Variants in NXF1 observed in about 807,000 individuals in gnomAD.
NXF1 encodes mRNA export factor TAP.
Under a neutral mutation model 92.4 loss-of-function variants are expected in NXF1, and 43 were observed. The observed-to-expected ratio is 0.47, with a 90% confidence interval of 0.36 to 0.60. NXF1 has a LOEUF of 0.60. Among genes scored for constraint, NXF1 ranks in the 20% least tolerant of loss-of-function variants. The pLI, the probability that NXF1 is intolerant of heterozygous loss-of-function variation, is 0.00. For synonymous variants in NXF1, 288 were observed against 292.2 expected (o/e 0.99, Z 0.15); for missense variants, 576 against 793.0 (o/e 0.73, Z 3.29).
In NXF1 at chr11:62,794,945, T is replaced by C. The variant is rs568755149; in HGVS notation, c.1567A>G (p.Ser523Gly). 1.9e-6 allele frequency: 3 copies of C among 1,614,178 alleles called. No individual in the cohort carries two copies. The highest frequency in any genetic ancestry group is 2.2e-5 in the East Asian group (1 of 44,888). The part of the protein sequence containing the change: ...FTRTFIAVPA[S>G]NSGLCIVNDE... ...AAGCAGAATACTTACCCTGAATTGCTAGCAGGAACAGCAATGAATGTCCGG... is the reference window on the plus strand; with the variant it reads ...AAGCAGAATACTTACCCTGAATTGCCAGCAGGAACAGCAATGAATGTCCGG... Residue 523 changes from serine to glycine, a missense_variant, in exon 18 of 21, where the codon AGC (serine) becomes GGC (glycine). Coordinates refer to ENST00000294172, the MANE Select transcript of NXF1 (RefSeq NM_006362.5).
chr11:62,802,323 C>G, intron 3 of NXF1, 63 bp from the exon 4 acceptor site: 8 of 1,382,852 alleles, frequency 5.8e-6, no homozygotes, highest in Non-Finnish European at 7.1e-6. Flanking sequence ...AGACCCAATA[C>G]AATGCCTTTT....
chr11:62,792,719 G>C lies in NXF1; in HGVS notation c.1761-18C>G, dbSNP rs370306415. The C allele has an allele frequency of 6.2e-7, 1 of 1,613,774 alleles. No homozygotes were observed. The highest frequency in any genetic ancestry group is 1.3e-5 in the African/African-American group (1 of 74,922). ...GAAGGCACCTGGAGTGGAAGAACAG[G>C]CAGCTCTGTAAGAACTCTGACTCGT... On this transcript the variant is annotated intron_variant, in intron 19 of 20. Transcript: ENST00000294172.
In NXF1 at chr11:62,805,404, G is replaced by C; in HGVS notation, c.-48C>G. On this transcript the variant is annotated 5_prime_UTR_variant, in exon 1 of 21. Transcript: ENST00000294172. ...GGCTCAGGCGCTGGCCGCTACGCCG[G>C]CAAACAACCTAACTCCCAAGCGCTC... 1.2e-6 allele frequency: 2 copies of C among 1,606,730 alleles called. No individual in the cohort carries two copies. The highest frequency in any genetic ancestry group is 1.1e-5 in the South Asian group (1 of 89,498).
At chr11:62,799,737 C>G in intron 10 of NXF1, 1 of 986,102 alleles carries the variant, frequency 1.0e-6, no homozygotes, top group Non-Finnish European at 1.2e-6. Context: ...GCTGGCGGGG[C>G]CCCAGCTCTG....
Position 62,805,416 on chromosome 11 carries a change from A to T in NXF1, c.-60T>A, listed in dbSNP as rs375138728. ...GGCCGCTACGCCGGCAAACAACCTA[A>T]CTCCCAAGCGCTCAGGACCGAAGTG... On this transcript the variant is annotated 5_prime_UTR_variant, in exon 1 of 21. Coordinates refer to ENST00000294172, the MANE Select transcript of NXF1 (RefSeq NM_006362.5). The T allele has an allele frequency of 1.9e-6, 3 of 1,604,142 alleles. No homozygotes were observed. The highest frequency in any genetic ancestry group is 1.4e-5 in the African/African-American group (1 of 74,072).
In NXF1 at chr11:62,803,555, C is replaced by T. The variant is rs772680652; in HGVS notation, c.233G>A (p.Arg78Gln). 4 of 1,613,982 alleles carry T rather than the reference C, an allele frequency of 2.5e-6. No homozygotes were observed. Among genetic ancestry groups the T allele is most frequent in the Non-Finnish European group, 3.4e-6 (4 of 1,180,026 alleles). ...CCAAGTATCACCCCGACGGTTAGGTCGGGTGGTATAGGGGTTGCTGTGGGT... is the reference window on the plus strand; with the variant it reads ...CCAAGTATCACCCCGACGGTTAGGTTGGGTGGTATAGGGGTTGCTGTGGGT... ...PRVRYNPYTT[R>Q]PNRRGDTWHD... The change falls in exon 3 of 21, where the codon CGA becomes CAA. Residue 78 changes from arginine to glutamine, a missense_variant. By Grantham distance (43) the Arg-to-Gln change is conservative. Around this residue, in one of 2 missense-constraint regions of NXF1, gnomAD observed 151 missense variants for 157.8 expected, o/e 0.96. Coordinates refer to ENST00000294172, the MANE Select transcript of NXF1 (RefSeq NM_006362.5).
At chr11:62,802,581 G>A (rs1335835345) in intron 3 of NXF1, among the ~76,000 whole-genome samples, 1 of 152,072 alleles carries the variant, frequency 6.6e-6, no homozygotes, top group African/African-American at 2.4e-5. Flanking sequence ...AGGACTACAG[G>A]CATGTACTAC....
At chr11:62,799,732 C>T (rs1241640067) in intron 10 of NXF1, 1 of 986,076 alleles carries the variant, frequency 1.0e-6, no homozygotes, top group Non-Finnish European at 1.2e-6. Flanking sequence ...CGCCTGCTGG[C>T]GGGGCCCCAG....
chr11:62,792,567 C>G, intron 20 of NXF1, 53 bp from the exon 21 acceptor site: 2 of 1,610,568 alleles, frequency 1.2e-6, no homozygotes. Flanking sequence ...CACTCAGCAA[C>G]CCCACTCAGC....
At chr11:62,797,540 CA>C (rs919084154) in intron 11 of NXF1, among the ~76,000 whole-genome samples, 154 bp from the exon 12 acceptor site, 38 of 151,196 alleles carry the variant, frequency 2.5e-4, no homozygotes, top group Non-Finnish European at 4.4e-4. Context: ...CCATCTCTAC[CA>C]AAAAAAATAC....
At chr11:62,797,158 G>T in intron 13 of NXF1, 25 bp downstream of exon 13, 1 of 1,608,388 alleles carries the variant, frequency 6.2e-7, no homozygotes. Context: ...CTCGGGGTGG[G>T]GAGGGGGGAC....
In NXF1 at chr11:62,797,245, T is replaced by G. The variant is rs765517125; in HGVS notation, c.1123-7A>C. ...CTGTTCCAAAATAGCTTCCCTGAAA[T>G]CAAACAGGTATTAGGAACATGGAAG... On this transcript the variant is annotated splice_polypyrimidine_tract_variant and splice_region_variant and intron_variant, in intron 12 of 20. Coordinates refer to ENST00000294172, the MANE Select transcript of NXF1 (RefSeq NM_006362.5). 1.9e-5 allele frequency: 30 copies of G among 1,613,934 alleles called. No individual in the cohort carries two copies. Among genetic ancestry groups the G allele is most frequent in the Non-Finnish European group, 2.5e-5 (30 of 1,180,012 alleles).
intron 10 of NXF1, chr11:62,799,490 C>A: frequency 1.0e-6 from 1 of 985,802 alleles, no homozygotes; most frequent in South Asian, 4.7e-5. Context: ...ACCTCTGTTG[C>A]CCCCAAGTTC....
At chr11:62,799,950 A>C in intron 10 of NXF1, 1 of 996,598 alleles carries the variant, frequency 1.0e-6, no homozygotes, top group Non-Finnish European at 1.2e-6. Flanking sequence ...AAAGGAGGGA[A>C]GGCCCATCTC....
Position 62,794,914 on chromosome 11 carries a change from T to A in NXF1, c.1577+21A>T, listed in dbSNP as rs566797529. The A allele has an allele frequency of 1.9e-6, 3 of 1,611,602 alleles. No individual in the cohort carries two copies. The South Asian group carries it at 3.3e-5, about 18-fold the overall frequency. On this transcript the variant is annotated intron_variant, in intron 18 of 20. Coordinates refer to ENST00000294172, the MANE Select transcript of NXF1 (RefSeq NM_006362.5). ...GCCATGGATTAGGACTGGTATCCAA[T>A]GCGAAAAGCAGAATACTTACCCTGA...
In NXF1 at chr11:62,796,519, G is replaced by C; in HGVS notation, c.1227C>G (p.Ala409=). 6.2e-7 allele frequency: 1 copy of C among 1,614,164 alleles called. No homozygotes were observed. Among genetic ancestry groups the C allele is most frequent in the Non-Finnish European group, 8.5e-7 (1 of 1,180,000 alleles). ...GGGAACAGCAGGCCCCATCATGGTA[G>C]GCATCCAGGAGCCCTTGTCGGTCTC... ...DSGDRQGLLD[A]YHDGACCSLS... is the part of the protein sequence containing the mutation. Residue 409 remains alanine, a synonymous_variant, in exon 14 of 21, where the codon GCC becomes GCG. Transcript: ENST00000294172.
chr11:62,801,702 G>C (rs2084480647), intron 6 of NXF1, 37 bp downstream of exon 6: 4 of 1,609,772 alleles, frequency 2.5e-6, no homozygotes, highest in Non-Finnish European at 3.4e-6. Context: ...GAAGTAGTAA[G>C]ACTGGGTTGG....
chr11:62,802,277 GA>G lies in NXF1; in HGVS notation c.370-18del. ...ATAAGGAATCTAGAAATGAGAGAAA[GA>G]GAAAAGAAGGGAATGATAAGTAAGG... On this transcript the variant is annotated intron_variant, in intron 3 of 20. Coordinates refer to ENST00000294172, the MANE Select transcript of NXF1 (RefSeq NM_006362.5). The G allele has an allele frequency of 6.2e-7, 1 of 1,605,414 alleles. No individual in the cohort carries two copies. The highest frequency in any genetic ancestry group is 8.5e-7 in the Non-Finnish European group (1 of 1,172,490).
rs200629020 is a variant in NXF1 at position 62,792,635 on chromosome 11, C to A, written c.1821+6G>T. 1 of 1,614,168 alleles carries A rather than the reference C, an allele frequency of 6.2e-7. No individual in the cohort carries two copies. On this transcript the variant is annotated splice_donor_region_variant and intron_variant, in intron 20 of 20. Transcript: ENST00000294172. ...GTCTTTTTGCCACTGTATTTCCAGA[C>A]CTTACCTTGAGATGAGTGAAGGCCT...
Sources: gnomAD v4.1 joint callset for allele counts (sites outside exome capture counted in the v4.1 genomes callset) on GRCh38, gnomAD v4.1.1 for gene constraint, gnomAD v4.1.1 regional missense constraint, MANE v1.5 for transcripts, NCBI Gene and HGNC (gene_info 2026-07-23, HGNC 2026-07-21) for gene names.